Variants in MAP2K4 observed in about 807,000 individuals in gnomAD.
The protein encoded by MAP2K4 is mitogen-activated protein kinase kinase 4, also known as dual specificity mitogen-activated protein kinase kinase 4.
Under a neutral mutation model 48.5 loss-of-function variants are expected in MAP2K4, and 4 were observed. The observed-to-expected ratio is 0.08, with a 90% CI of 0.04 to 0.19. MAP2K4 has a LOEUF of 0.19. Ranked by LOEUF, MAP2K4 falls within the 10% of genes least tolerant of loss-of-function variation. MAP2K4 has a pLI of 1.00. For missense variants in MAP2K4, 258 were observed against 493.3 expected, an observed-to-expected ratio of 0.52 and a Z score of 4.52; for synonymous variants, 166 against 173.1, an observed-to-expected ratio of 0.96 and a Z score of 0.32.
chr17:12,130,207 ATTTG>A (rs1972979672), intron 9 of MAP2K4, among the ~76,000 whole-genome samples: 2 of 152,098 alleles, frequency 1.3e-5, no homozygotes, highest in Non-Finnish European at 1.5e-5. Context: ...ATTTAAAAAT[ATTTG>A]TTTGACTATA....
At chr17:12,120,534 T>TA (rs1555551454) in intron 7 of MAP2K4, among the ~76,000 whole-genome samples, 1 of 137,300 alleles carries the variant, frequency 7.3e-6, no homozygotes, top group African/African-American at 2.6e-5. Flanking sequence ...GCTCCCTCAT[T>TA]CCCCCCCCCA....
chr17:12,032,199 G>C, intron 1 of MAP2K4: 1 of 768,882 alleles, frequency 1.3e-6, no homozygotes, highest in Non-Finnish European at 1.9e-6. Context: ...AAAATGCAAT[G>C]TCATGTTCCA....
chr17:12,079,486 C>T (rs941972601), intron 2 of MAP2K4, among the ~76,000 whole-genome samples: 55 of 152,148 alleles, frequency 3.6e-4, no homozygotes, highest in African/African-American at 1.3e-3. Flanking sequence ...AGTCACAGGT[C>T]CCACTCACAC....
intron 2 of MAP2K4, among the ~76,000 whole-genome samples, chr17:12,068,115 A>G (rs757753054): frequency 6.6e-6 from 1 of 152,170 alleles, no homozygotes; most frequent in Non-Finnish European, 1.5e-5. Context: ...TTGTCATGGA[A>G]TGGAAGGAAT....
chr17:12,125,450 T>G (rs1972825193), intron 8 of MAP2K4, 79 bp downstream of exon 8: 4 of 1,136,412 alleles, frequency 3.5e-6, no homozygotes, highest in Non-Finnish European at 2.7e-6. Context: ...TTAATCAGAC[T>G]TCCCCGTTCG....
Position 12,142,317 on chromosome 17 carries a change from T to C in MAP2K4, c.*1057T>C, listed in dbSNP as rs1567680217. The C allele has an allele frequency of 4.3e-6, 1 of 233,508 alleles. No individual in the cohort carries two copies. Among genetic ancestry groups the C allele is most frequent in the Non-Finnish European group, 8.5e-6 (1 of 117,974 alleles). 14.5% of individuals were successfully genotyped at this position (233,508 alleles called of 1,614,324 possible). ...TAGGCAGCAAAAGACCAAATCTCAGTTGTTTGCTTCTTGCCATCACTGGTC... is the reference window on the plus strand; with the variant it reads ...TAGGCAGCAAAAGACCAAATCTCAGCTGTTTGCTTCTTGCCATCACTGGTC... On this transcript the variant is annotated 3_prime_UTR_variant, in exon 11 of 11. Coordinates refer to ENST00000353533, the MANE Select transcript of MAP2K4 (RefSeq NM_003010.4).
At chr17:12,047,742 A>G (rs1970013852) in intron 1 of MAP2K4, among the ~76,000 whole-genome samples, 1 of 152,204 alleles carries the variant, frequency 6.6e-6, no homozygotes, top group Non-Finnish European at 1.5e-5. Context: ...TTAGGTTTTA[A>G]TATGTACTTA....
intron 2 of MAP2K4, among the ~76,000 whole-genome samples, chr17:12,071,177 TC>T (rs1970794184): frequency 6.6e-6 from 1 of 152,230 alleles, no homozygotes; most frequent in African/African-American, 2.4e-5. Context: ...TTTTTTGAGA[TC>T]TTTAATTTTA....
At chr17:12,132,419 G>GC (rs1325366905) in intron 9 of MAP2K4, among the ~76,000 whole-genome samples, 1 of 152,132 alleles carries the variant, frequency 6.6e-6, no homozygotes, top group Non-Finnish European at 1.5e-5. Context: ...GCTTCACTCA[G>GC]CAACTTCAGT....
At chr17:12,041,489 T>C (rs1328529471) in intron 1 of MAP2K4, among the ~76,000 whole-genome samples, 1 of 152,242 alleles carries the variant, frequency 6.6e-6, no homozygotes, top group African/African-American at 2.4e-5. Context: ...CCACGTCTTA[T>C]GACTCATGGC....
intron 4 of MAP2K4, among the ~76,000 whole-genome samples, chr17:12,100,274 T>C (rs999855212): frequency 1.1e-4 from 16 of 152,208 alleles, no homozygotes; most frequent in Non-Finnish European, 1.5e-4. Flanking sequence ...TTTATGCCAT[T>C]ATAGATTAAT....
At chr17:12,095,308 CA>C (rs924199964) in intron 3 of MAP2K4, 7 of 441,354 alleles carry the variant, frequency 1.6e-5, no homozygotes, top group Non-Finnish European at 4.2e-6. Flanking sequence ...AACTTTGTTG[CA>C]TAACTCCCAA....
At chr17:12,039,063 A>AT (rs1261245986) in intron 1 of MAP2K4, among the ~76,000 whole-genome samples, 1 of 152,186 alleles carries the variant, frequency 6.6e-6, no homozygotes, top group Non-Finnish European at 1.5e-5. Flanking sequence ...TCGTGTTGCT[A>AT]TGAAGTTAGG....
chr17:12,060,167 A>G lies in MAP2K4; in HGVS notation c.218+5176A>G, dbSNP rs560562375. ...GTGTAAGAGTTGAGACTCTGTCTCT[A>G]TTAAAAAAAAAAAAAATTGTTTTTA... On this transcript the variant is annotated intron_variant, in intron 2 of 10. Coordinates refer to ENST00000353533, the MANE Select transcript of MAP2K4 (RefSeq NM_003010.4). 2.6e-5 allele frequency among the ~76,000 whole-genome samples: 4 copies of G among 151,310 alleles called. No individual in the cohort carries two copies. The South Asian group carries it at 8.4e-4, about 32-fold the overall frequency.
At chr17:12,039,235 A>G (rs1229791422) in intron 1 of MAP2K4, among the ~76,000 whole-genome samples, 2 of 152,330 alleles carry the variant, frequency 1.3e-5, no homozygotes, top group South Asian at 2.1e-4. Flanking sequence ...CTGTGAAGTC[A>G]GTGGACAAGG....
intron 1 of MAP2K4, among the ~76,000 whole-genome samples, chr17:12,032,642 A>G (rs28918089): frequency 8.5e-5 from 13 of 152,312 alleles, no homozygotes; most frequent in East Asian, 7.7e-4. Context: ...TGGTGCAGAA[A>G]GTATAGAGTT....
intron 9 of MAP2K4, 106 bp downstream of exon 9, chr17:12,129,393 C>T: frequency 1.5e-6 from 2 of 1,301,752 alleles, no homozygotes; most frequent in Admixed American, 1.8e-5. Context: ...GACCCTTGGT[C>T]ACATCACCCT....
In MAP2K4 at chr17:12,141,336, A is replaced by C. The variant is rs991391012; in HGVS notation, c.*76A>C. On this transcript the variant is annotated 3_prime_UTR_variant, in exon 11 of 11. Coordinates refer to ENST00000353533, the MANE Select transcript of MAP2K4 (RefSeq NM_003010.4). ...GTAAAGAATTTTCATCCCGTATCAC[A>C]GTGTTTTTATTGCTCGCCCAGACAC... 15 of 1,045,468 alleles carry C rather than the reference A, an allele frequency of 1.4e-5. No individual in the cohort carries two copies. Among genetic ancestry groups the C allele is most frequent in the African/African-American group, 6.3e-5 (4 of 63,882 alleles). 64.8% of individuals were successfully genotyped at this position (1,045,468 alleles called of 1,614,324 possible). A position where few individuals can be genotyped will look rare whatever the true frequency, so the allele number is the denominator to read the frequency against.
At chr17:12,074,202 T>G (rs1352701680) in intron 2 of MAP2K4, among the ~76,000 whole-genome samples, 1 of 152,174 alleles carries the variant, frequency 6.6e-6, no homozygotes, top group African/African-American at 2.4e-5. Context: ...TTCATTGTCT[T>G]TATTCTAGTA....
Sources: allele counts gnomAD v4.1 joint callset (sites outside exome capture counted in the v4.1 genomes callset), GRCh38; gene constraint gnomAD v4.1.1; transcripts MANE v1.5; gene names NCBI Gene and HGNC (gene_info 2026-07-23, HGNC 2026-07-21).